SMIM23: variants seen among roughly 807,000 people sequenced by gnomAD.
SMIM23 encodes the protein CTB-78H18.1.
In SMIM23, 10 loss-of-function variants were observed where a neutral mutation model predicts 12.8. The observed-to-expected ratio is 0.78, with a 90% CI of 0.48 to 1.32. The LOEUF (loss-of-function observed/expected upper bound fraction) is 1.32. Among genes scored for constraint, SMIM23 ranks in the 40% most tolerant of loss-of-function variants. The pLI is 0.00. For missense variants in SMIM23, 184 were observed against 198.2 expected, an observed-to-expected ratio of 0.93 and a Z score of 0.43; for synonymous variants, 78 against 80.1, an observed-to-expected ratio of 0.97 and a Z score of 0.14.
the SMIM23 span, chr5:171,774,633 C>T: frequency 4.5e-6 from 2 of 442,812 alleles, no homozygotes; most frequent in African/African-American, 2.1e-5. Flanking sequence ...AATTCCTTCA[C>T]AGGCTCCTTT....
At chr5:171,784,741 T>C (rs1361297090), upstream of SMIM23, among the ~76,000 whole-genome samples, 1 of 152,194 alleles carries the variant, frequency 6.6e-6, no homozygotes, top group Admixed American at 6.5e-5. Flanking sequence ...CATGTTCATA[T>C]CACCTTTACT....
At chr5:171,780,773 G>C (rs1453384162), upstream of SMIM23, among the ~76,000 whole-genome samples, 1 of 152,108 alleles carries the variant, frequency 6.6e-6, no homozygotes, top group African/African-American at 2.4e-5. Flanking sequence ...CAAGAGACTT[G>C]AGTTCGGTAC....
chr5:171,777,738 AG>A (rs1301762795), upstream of SMIM23, among the ~76,000 whole-genome samples: 3 of 152,214 alleles, frequency 2.0e-5, no homozygotes, highest in Non-Finnish European at 4.4e-5. Context: ...TCTCCATCTC[AG>A]TGCAGAATGG....
upstream of SMIM23, among the ~76,000 whole-genome samples, chr5:171,781,506 C>T (rs1174185301): frequency 8.6e-5 from 13 of 151,472 alleles, no homozygotes; most frequent in African/African-American, 3.2e-4. Context: ...CTGGTGCATC[C>T]ACCACCGGCT....
chr5:171,787,270 C>T (rs182369051), intron 1 of SMIM23, among the ~76,000 whole-genome samples: 175 of 152,094 alleles, frequency 1.2e-3, no homozygotes, highest in African/African-American at 3.6e-3. Flanking sequence ...CACCCGCCTC[C>T]GCCTCCCAAA....
At chr5:171,786,763 A>G (rs1755824680) in intron 1 of SMIM23, among the ~76,000 whole-genome samples, 1 of 152,140 alleles carries the variant, frequency 6.6e-6, no homozygotes, top group Non-Finnish European at 1.5e-5. Flanking sequence ...GGCACCCATC[A>G]TGCTGCGGCT....
chr5:171,781,544 C>T (rs934050138), upstream of SMIM23, among the ~76,000 whole-genome samples: 5 of 152,030 alleles, frequency 3.3e-5, no homozygotes, highest in Admixed American at 6.5e-5. Context: ...AGTGCCCCCC[C>T]CCGTCTCTAG....
chr5:171,783,837 A>C (rs1726219457), upstream of SMIM23, among the ~76,000 whole-genome samples: 1 of 152,250 alleles, frequency 6.6e-6, no homozygotes, highest in Non-Finnish European at 1.5e-5. Flanking sequence ...ATGAGCAAAG[A>C]ACTGTCTCAA....
the SMIM23 span, among the ~76,000 whole-genome samples, chr5:171,777,410 C>T: frequency 1.8e-4 from 28 of 152,148 alleles, no homozygotes; most frequent in Non-Finnish European, 3.7e-4. Context: ...GTCCACTGTT[C>T]GCAGTTCTTT....
chr5:171,774,842 C>T, the SMIM23 span: 1,762 of 350,886 alleles, frequency 5.0e-3, 50 homozygotes, highest in Admixed American at 0.05. Flanking sequence ...TGTCTTGGGC[C>T]GTGTCTACAG....
chr5:171,780,634 C>T (rs535892337), upstream of SMIM23, among the ~76,000 whole-genome samples: 5 of 152,162 alleles, frequency 3.3e-5, no homozygotes, highest in Admixed American at 6.5e-5. Flanking sequence ...AATGAGCAGT[C>T]CTTACGTACC....
chr5:171,781,203 A>G (rs1382991382), upstream of SMIM23, among the ~76,000 whole-genome samples: 5 of 152,180 alleles, frequency 3.3e-5, no homozygotes, highest in Non-Finnish European at 4.4e-5. Flanking sequence ...GCAGCCCCCA[A>G]TTATTTTCCT....
rs543596798 is a variant in SMIM23, at chr5:171,789,555, CA to C, written c.106-673del. Among the ~76,000 whole-genome samples the C allele has an allele frequency of 7.2e-5, 11 of 152,246 alleles. No individual in the cohort carries two copies. The East Asian group carries it at 2.1e-3, about 29-fold the overall frequency. On this transcript the variant is annotated intron_variant, in intron 1 of 3. Transcript: ENST00000523047. ...TCAACAGGTAAAGAGACTGATTGTG[CA>C]ATATTCTATGTTCATATAAAATAAA...
chr5:171,773,657 C>G, the SMIM23 span: 2 of 387,460 alleles, frequency 5.2e-6, no homozygotes, highest in Non-Finnish European at 1.0e-5. Flanking sequence ...AAGCCAGATG[C>G]CCTCAAGACC....
chr5:171,787,004 C>CTTTTTTT (rs202159150), intron 1 of SMIM23, among the ~76,000 whole-genome samples: 4 of 71,292 alleles, frequency 5.6e-5, no homozygotes, highest in Non-Finnish European at 5.5e-5. Flanking sequence ...CCATTGTTTC[C>CTTTTTTT]TTTTTTTTTT....
At chr5:171,773,148 T>C in the SMIM23 span, among the ~76,000 whole-genome samples, 1 of 152,310 alleles carries the variant, frequency 6.6e-6, no homozygotes, top group South Asian at 2.1e-4. Context: ...CTGACTCTCC[T>C]GCCAGCAAGC....
At chr5:171,788,815 G>A (rs1412809898) in intron 1 of SMIM23, among the ~76,000 whole-genome samples, 1 of 152,168 alleles carries the variant, frequency 6.6e-6, no homozygotes, top group Non-Finnish European at 1.5e-5. Context: ...ACAAAATCTT[G>A]ATACCAAAAC....
upstream of SMIM23, among the ~76,000 whole-genome samples, chr5:171,784,066 A>T (rs1755769612): frequency 6.6e-6 from 1 of 152,226 alleles, no homozygotes; most frequent in Non-Finnish European, 1.5e-5. Context: ...ACATAGCAAG[A>T]CACTGTCTCC....
upstream of SMIM23, among the ~76,000 whole-genome samples, chr5:171,783,450 T>C (rs537371892): frequency 6.6e-6 from 1 of 152,158 alleles, no homozygotes; most frequent in Non-Finnish European, 1.5e-5. Context: ...CAGGGACAGA[T>C]ACATAGATCA....
Sources: allele counts gnomAD v4.1 joint callset (sites outside exome capture counted in the v4.1 genomes callset), GRCh38; gene constraint gnomAD v4.1.1; transcripts MANE v1.5; gene names NCBI Gene and HGNC (gene_info 2026-07-23, HGNC 2026-07-21).